The following PZP variants were observed in gnomAD, a reference collection of about 807,000 sequenced individuals.
The protein encoded by PZP is pregnancy zone protein.
PZP carries 150 observed loss-of-function variants against 179.8 expected under a neutral mutation model. That is an observed-to-expected ratio of 0.83 (90% CI 0.73 to 0.96). PZP has a LOEUF of 0.96. Ranked by LOEUF, PZP falls within the 40% of genes least tolerant of loss-of-function variation. The pLI is 0.00. For synonymous variants in PZP, 624 were observed against 652.3 expected (o/e 0.96, Z 0.66); for missense variants, 1,689 against 1,764.0 (o/e 0.96, Z 0.76).
intron 1 of PZP, among the ~76,000 whole-genome samples, chr12:9,206,099 C>T (rs1944426477): frequency 6.6e-6 from 1 of 152,142 alleles, no homozygotes; most frequent in Non-Finnish European, 1.5e-5. Flanking sequence ...CAGCTAGTCT[C>T]TTATGTCTTA....
chr12:9,197,484 ATATAT>A (rs1028197726), intron 7 of PZP, among the ~76,000 whole-genome samples: 8 of 128,954 alleles, frequency 6.2e-5, no homozygotes, highest in East Asian at 2.1e-4. Context: ...TAATAATATA[ATATAT>A]TATATATAAA....
chr12:9,206,833 A>T (rs1944458903), intron 1 of PZP, among the ~76,000 whole-genome samples: 3 of 152,194 alleles, frequency 2.0e-5, no homozygotes, highest in Admixed American at 2.0e-4. Context: ...GGTCCAATGT[A>T]GTGTAGGAAT....
chr12:9,160,974 G>T, intron 23 of PZP, 59 bp downstream of exon 23: 4 of 1,290,706 alleles, frequency 3.1e-6, no homozygotes, highest in Non-Finnish European at 4.5e-6. Flanking sequence ...CAAATACGTA[G>T]ATAAGATGTA....
chr12:9,187,997 A>C (rs1352247204), intron 13 of PZP, among the ~76,000 whole-genome samples: 3 of 152,258 alleles, frequency 2.0e-5, no homozygotes, highest in Admixed American at 1.3e-4. Context: ...GGTTGCCCCC[A>C]TGAGGAGAAG....
chr12:9,188,613 T>C (rs753389299), intron 13 of PZP, among the ~76,000 whole-genome samples: 4 of 152,206 alleles, frequency 2.6e-5, no homozygotes, highest in African/African-American at 7.2e-5. Context: ...TGATTTTATA[T>C]CTAGAAAACC....
chr12:9,158,007 G>A (rs1400246835), intron 26 of PZP, among the ~76,000 whole-genome samples, 166 bp from the exon 27 acceptor site: 4 of 152,182 alleles, frequency 2.6e-5, no homozygotes, highest in Admixed American at 2.0e-4. Context: ...AGGCTGGAGT[G>A]CAGTAGCACT....
chr12:9,169,786 G>A (rs774426308), intron 15 of PZP, 195 bp from the exon 16 acceptor site: 4 of 456,560 alleles, frequency 8.8e-6, no homozygotes, highest in Non-Finnish European at 1.5e-5. Context: ...ACCTACTTGG[G>A]AAAATGCTTC....
Position 9,149,572 on chromosome 12 carries a change from G to A in PZP, c.4415C>T (p.Pro1472Leu). Residue 1472 changes from proline to leucine, a missense_variant, in exon 35 of 36, where the codon CCC (proline) becomes CTC (leucine). By Grantham distance (98) the Pro-to-Leu change is moderately conservative. Around this residue, in one of 3 missense-constraint regions of PZP, gnomAD observed 746 missense variants for 749.2 expected, o/e 1.00. Transcript: ENST00000261336. ...DESVVAEYIA[P>L]CSTDTEHGNV ...TGGTGAACTCTTACCTGTGCTGCAGGGGGCGATATACTCAGCAACCACAGA... is the reference window on the plus strand; with the variant it reads ...TGGTGAACTCTTACCTGTGCTGCAGAGGGCGATATACTCAGCAACCACAGA... 1 of 1,612,950 alleles carries A rather than the reference G, an allele frequency of 6.2e-7. No homozygotes were observed. The highest frequency in any genetic ancestry group is 1.3e-5 in the African/African-American group (1 of 74,956).
intron 15 of PZP, among the ~76,000 whole-genome samples, chr12:9,175,116 T>C (rs756069814): frequency 2.8e-4 from 43 of 152,102 alleles, no homozygotes; most frequent in Non-Finnish European, 4.6e-4. Flanking sequence ...AACAGACACA[T>C]AGACCAATGG....
intron 35 of PZP, 48 bp from the exon 36 acceptor site, chr12:9,149,042 GC>G: frequency 6.5e-7 from 1 of 1,548,842 alleles, no homozygotes. Context: ...TTCCTGAGGA[GC>G]ATTCAGTTGA....
At position 9,205,743 on chromosome 12, in the gene PZP, T is replaced by C. The variant is rs774910942; in HGVS notation, c.84-1792A>G. Among the ~76,000 whole-genome samples, 4 of 152,324 alleles carry C rather than the reference T, an allele frequency of 2.6e-5. No individual in the cohort carries two copies. In the South Asian group the frequency reaches 8.3e-4, roughly 32 times the overall value. ...CTTACTTTCCATTGCCAACATAAAC[T>C]CTTACTTTTTAAATTGTTTTCTGGA... On this transcript the variant is annotated intron_variant, in intron 1 of 35. Transcript: ENST00000261336.
chr12:9,153,442 T>C (rs1416992918), intron 29 of PZP, 99 bp from the exon 30 acceptor site: 2 of 882,190 alleles, frequency 2.3e-6, no homozygotes, highest in Non-Finnish European at 1.8e-6. Flanking sequence ...GGAAGCTGGC[T>C]TTTTACCCCT....
chr12:9,140,317 A>C, the PZP span, among the ~76,000 whole-genome samples: 6 of 152,206 alleles, frequency 3.9e-5, no homozygotes, highest in Non-Finnish European at 8.8e-5. Context: ...TCCCAAATCA[A>C]GAATCCATTT....
intron 15 of PZP, 86 bp downstream of exon 15, chr12:9,180,897 C>T (rs1942716845): frequency 1.4e-6 from 2 of 1,441,782 alleles, no homozygotes; most frequent in African/African-American, 1.5e-5. Flanking sequence ...TCGCAACCTA[C>T]TCATCTGACA....
rs1940147815 is a variant in PZP, at chr12:9,148,853, A to T, written c.*119T>A. ...TGCAACAAGTGATAGTTTGACCAGA[A>T]GTACATATTTATTCAGCAAATATTT... On this transcript the variant is annotated 3_prime_UTR_variant, in exon 36 of 36. Coordinates refer to ENST00000261336, the MANE Select transcript of PZP (RefSeq NM_002864.3). 4 of 822,148 alleles carry T rather than the reference A, an allele frequency of 4.9e-6. No homozygotes were observed. The East Asian group carries it at 9.9e-5, about 20-fold the overall frequency. The allele number at this position is 822,148 out of a possible 1,614,324, so 50.9% of individuals were successfully genotyped here.
intron 21 of PZP, 94 bp from the exon 22 acceptor site, chr12:9,162,742 C>T (rs184174806): frequency 3.1e-4 from 312 of 1,005,862 alleles, no homozygotes; most frequent in Non-Finnish European, 4.0e-4. Context: ...AGGGTTTACA[C>T]GAATGATGTT....
chr12:9,184,562 T>C (rs1160456984), intron 13 of PZP, among the ~76,000 whole-genome samples: 1 of 152,212 alleles, frequency 6.6e-6, no homozygotes, highest in Non-Finnish European at 1.5e-5. Flanking sequence ...CTGATGAGCG[T>C]GTACCCCACC....
At chr12:9,177,769 C>T (rs761613239) in intron 15 of PZP, among the ~76,000 whole-genome samples, 2 of 152,200 alleles carry the variant, frequency 1.3e-5, no homozygotes, top group African/African-American at 2.4e-5. Flanking sequence ...TTCCACAACA[C>T]TCAAAGTTTA....
intron 15 of PZP, among the ~76,000 whole-genome samples, chr12:9,173,508 C>A (rs1819608490): frequency 6.6e-6 from 1 of 151,648 alleles, no homozygotes. Context: ...ACATGAAAAA[C>A]CCTCTTAAAA....
Sources: allele counts gnomAD v4.1 joint callset (sites outside exome capture counted in the v4.1 genomes callset), GRCh38; gene constraint gnomAD v4.1.1; regional missense constraint gnomAD v4.1.1; transcripts MANE v1.5; gene names NCBI Gene and HGNC (gene_info 2026-07-23, HGNC 2026-07-21).